POC1B: variants seen among roughly 807,000 people sequenced by gnomAD.
The protein encoded by POC1B is POC1 centriolar protein homolog B.
A neutral mutation model predicts 60.6 loss-of-function variants in POC1B; 44 were observed. The observed-to-expected ratio is 0.73, with a 90% CI of 0.57 to 0.93. The LOEUF is 0.93. POC1B is among the 40% of genes least tolerant of loss of function. The pLI, the probability that POC1B is intolerant of heterozygous loss-of-function variation, is 0.00. For missense variants in POC1B, 555 were observed against 572.3 expected (o/e 0.97, Z 0.31); for synonymous variants, 180 against 198.9 (o/e 0.90, Z 0.80).
At chr12:89,465,207 G>A (rs1164492671) in intron 9 of POC1B, among the ~76,000 whole-genome samples, 2 of 152,146 alleles carry the variant, frequency 1.3e-5, no homozygotes, top group Non-Finnish European at 2.9e-5. Flanking sequence ...TATACCATAA[G>A]AGCAGAGCCA....
chr12:89,462,154 G>A (rs1882506938), intron 9 of POC1B, among the ~76,000 whole-genome samples: 1 of 152,062 alleles, frequency 6.6e-6, no homozygotes, highest in Admixed American at 6.6e-5. Flanking sequence ...TGCCACATAA[G>A]TTAAATAGAG....
chr12:89,415,043 C>A (rs1880341924), downstream of POC1B, among the ~76,000 whole-genome samples: 2 of 152,216 alleles, frequency 1.3e-5, no homozygotes, highest in Admixed American at 1.3e-4. Context: ...CCTTCCCCCA[C>A]TTCTGGTTTT....
intron 2 of POC1B, chr12:89,502,491 C>A (rs1186295437): frequency 2.7e-6 from 3 of 1,103,788 alleles, no homozygotes; most frequent in Non-Finnish European, 4.1e-6. Flanking sequence ...ACAAAAAAAT[C>A]TAATAAGAAA....
chr12:89,503,549 G>A (rs988543378), intron 2 of POC1B, among the ~76,000 whole-genome samples: 1 of 152,140 alleles, frequency 6.6e-6, no homozygotes, highest in Non-Finnish European at 1.5e-5. Context: ...CGTCTGGGAA[G>A]TGAGGAGCGT....
chr12:89,448,443 C>T (rs139695657), intron 10 of POC1B, among the ~76,000 whole-genome samples: 6 of 152,326 alleles, frequency 3.9e-5, no homozygotes, highest in Non-Finnish European at 7.4e-5. Flanking sequence ...CACACCAGAA[C>T]GGCAATAACA....
intron 10 of POC1B, among the ~76,000 whole-genome samples, chr12:89,453,464 C>T (rs181893441): frequency 4.7e-4 from 71 of 152,134 alleles, no homozygotes; most frequent in African/African-American, 1.5e-3. Context: ...AGAAACATAC[C>T]GCAGAGCCAC....
intron 9 of POC1B, among the ~76,000 whole-genome samples, chr12:89,464,044 C>T (rs1882579521): frequency 6.6e-6 from 1 of 152,120 alleles, no homozygotes; most frequent in East Asian, 1.9e-4. Flanking sequence ...AGAAATAAAA[C>T]ACTCATGGTC....
intron 1 of POC1B, chr12:89,525,550 A>AC: frequency 8.0e-7 from 1 of 1,247,522 alleles, no homozygotes; most frequent in Non-Finnish European, 1.0e-6. Context: ...CGGCTTTGGT[A>AC]CTTTTTTTTT....
At chr12:89,445,636 C>A (rs1418555304) in intron 10 of POC1B, among the ~76,000 whole-genome samples, 1 of 152,196 alleles carries the variant, frequency 6.6e-6, no homozygotes, top group East Asian at 1.9e-4. Context: ...AAATGTTACA[C>A]CTAAAACCAT....
chr12:89,499,603 T>C (rs914286625), intron 2 of POC1B, among the ~76,000 whole-genome samples: 8 of 149,450 alleles, frequency 5.4e-5, no homozygotes, highest in Non-Finnish European at 1.0e-4. Flanking sequence ...ACTGCCACTT[T>C]GACAATAAGG....
chr12:89,462,523 C>T (rs938766832), intron 9 of POC1B, among the ~76,000 whole-genome samples: 1 of 152,082 alleles, frequency 6.6e-6, no homozygotes, highest in Non-Finnish European at 1.5e-5. Context: ...TAATAAATTC[C>T]ATAAGCCTTC....
At chr12:89,411,385 T>C in the POC1B span, among the ~76,000 whole-genome samples, 1 of 152,252 alleles carries the variant, frequency 6.6e-6, no homozygotes, top group Non-Finnish European at 1.5e-5. Context: ...GGTTGTTTTA[T>C]ATGCACATTA....
At position 89,439,328 on chromosome 12, in the gene POC1B, C is replaced by A. The variant is rs187058841; in HGVS notation, c.1114-13949G>T. Among the ~76,000 whole-genome samples, 2 of 152,272 alleles carry A rather than the reference C, an allele frequency of 1.3e-5. 1 individual carries two copies. Among genetic ancestry groups the A allele is most frequent in the Admixed American group, 1.3e-4 (2 of 15,294 alleles). On this transcript the variant is annotated intron_variant, in intron 10 of 11. Coordinates refer to ENST00000313546, the MANE Select transcript of POC1B (RefSeq NM_172240.3). Reference sequence around the variant, plus strand: ...TACAGGTCCTAAAGTAACACAAGCTCCCCCACAGACACAGCCTTTGTATAT... The same window carrying A: ...TACAGGTCCTAAAGTAACACAAGCTACCCCACAGACACAGCCTTTGTATAT...
the POC1B span, among the ~76,000 whole-genome samples, chr12:89,413,496 C>T: frequency 6.6e-6 from 1 of 152,188 alleles, no homozygotes; most frequent in African/African-American, 2.4e-5. Flanking sequence ...TATGCCCAGC[C>T]TGTTTTTATT....
At chr12:89,487,234 G>T (rs1400431089) in intron 4 of POC1B, among the ~76,000 whole-genome samples, 1 of 152,138 alleles carries the variant, frequency 6.6e-6, no homozygotes, top group Non-Finnish European at 1.5e-5. Context: ...TGGAACTGGA[G>T]ATAGGGCCAC....
intron 10 of POC1B, among the ~76,000 whole-genome samples, chr12:89,456,006 TTTGTTGTTG>T (rs57046085): frequency 4.5e-4 from 67 of 148,314 alleles, no homozygotes; most frequent in South Asian, 1.7e-3. Context: ...AAAACTCTTT[TTTGTTGTTG>T]TTGTTGTTGT....
Position 89,524,424 on chromosome 12 carries a change from C to A in POC1B, c.100+696G>T. 6 of 1,613,960 alleles carry A rather than the reference C, an allele frequency of 3.7e-6. No homozygotes were observed. Among genetic ancestry groups the A allele is most frequent in the Non-Finnish European group, 4.2e-6 (5 of 1,179,888 alleles). On this transcript the variant is annotated intron_variant, in intron 2 of 11. Transcript: ENST00000313546. ...CTGAGAGCCTTCTTGACCCCAGCTC[C>A]CTGGCACGGCCGGCTCCTGCGGAGG...
intron 2 of POC1B, chr12:89,523,076 T>C: frequency 6.2e-7 from 1 of 1,613,900 alleles, no homozygotes; most frequent in Non-Finnish European, 8.5e-7. Flanking sequence ...CTTATTTCTT[T>C]GTTTGAAGTA....
At chr12:89,523,290 T>C (rs904760191) in intron 2 of POC1B, 2 of 1,614,074 alleles carry the variant, frequency 1.2e-6, no homozygotes, top group Non-Finnish European at 1.7e-6. Flanking sequence ...AGCTCTTGCA[T>C]CTCAACCGCT....
Sources: allele counts gnomAD v4.1 joint callset (sites outside exome capture counted in the v4.1 genomes callset), GRCh38; gene constraint gnomAD v4.1.1; transcripts MANE v1.5; gene names NCBI Gene and HGNC (gene_info 2026-07-23, HGNC 2026-07-21).